The following SPON1 variants were observed in gnomAD, a reference collection of about 807,000 sequenced individuals.
The protein encoded by SPON1 is spondin 1.
In SPON1, 52 loss-of-function variants were observed where a neutral mutation model predicts 111.7. That is an observed-to-expected ratio of 0.47 (90% CI 0.37 to 0.59). The LOEUF (loss-of-function observed/expected upper bound fraction) is 0.59, where lower values mean the gene tolerates loss of function less well. SPON1 is among the 20% of genes least tolerant of loss of function. The pLI is 0.00. For missense variants in SPON1, 957 were observed against 1,068.5 expected (o/e 0.90, Z 1.46); for synonymous variants, 410 against 395.8 (o/e 1.04, Z -0.43).
chr11:14,168,107 C>T (rs1848052303), intron 6 of SPON1, among the ~76,000 whole-genome samples: 1 of 152,172 alleles, frequency 6.6e-6, no homozygotes, highest in African/African-American at 2.4e-5. Context: ...TTAACTCTTA[C>T]TCCTTTTAGC....
chr11:14,194,559 C>T (rs1380310237), intron 6 of SPON1, among the ~76,000 whole-genome samples: 2 of 145,852 alleles, frequency 1.4e-5, no homozygotes, highest in Non-Finnish European at 3.0e-5. Context: ...CACACACACA[C>T]ACACACACGG....
At chr11:14,265,458 C>T in intron 15 of SPON1, 66 bp from the exon 16 acceptor site, 2 of 1,521,966 alleles carry the variant, frequency 1.3e-6, no homozygotes, top group Non-Finnish European at 1.8e-6. Context: ...CACAGTTCTA[C>T]TAGAGTTCAG....
chr11:14,104,918 G>A (rs1168958598), intron 5 of SPON1, among the ~76,000 whole-genome samples: 2 of 152,094 alleles, frequency 1.3e-5, no homozygotes, highest in Non-Finnish European at 2.9e-5. Context: ...TCTATGGTAT[G>A]TACATGGTTT....
chr11:14,206,828 C>G (rs1171418766), intron 6 of SPON1, among the ~76,000 whole-genome samples: 1 of 152,000 alleles, frequency 6.6e-6, no homozygotes, highest in African/African-American at 2.4e-5. Flanking sequence ...TTTATAGATT[C>G]AATGCAATTC....
At chr11:14,096,753 G>C (rs946843720) in intron 5 of SPON1, among the ~76,000 whole-genome samples, 12 of 152,128 alleles carry the variant, frequency 7.9e-5, no homozygotes, top group Non-Finnish European at 8.8e-5. Context: ...ACTCTGCCAG[G>C]CCCTTATAAA....
intron 6 of SPON1, among the ~76,000 whole-genome samples, chr11:14,240,631 G>T (rs868987320): frequency 1.4e-5 from 2 of 141,420 alleles, no homozygotes; most frequent in Non-Finnish European, 3.2e-5. Context: ...GTGTGTGTGT[G>T]TGTGTAGTTA....
chr11:14,181,966 G>T (rs1281793206), intron 6 of SPON1, among the ~76,000 whole-genome samples: 1 of 152,162 alleles, frequency 6.6e-6, no homozygotes, highest in Non-Finnish European at 1.5e-5. Context: ...AGACTATGCT[G>T]AACAGAATAA....
chr11:14,153,976 A>T (rs1197408545), intron 6 of SPON1, among the ~76,000 whole-genome samples: 1 of 152,194 alleles, frequency 6.6e-6, no homozygotes, highest in African/African-American at 2.4e-5. Flanking sequence ...CTTAGACTCC[A>T]TGTCTCACAT....
At chr11:14,209,509 G>C (rs572969517) in intron 6 of SPON1, among the ~76,000 whole-genome samples, 2 of 152,074 alleles carry the variant, frequency 1.3e-5, no homozygotes, top group African/African-American at 4.8e-5. Context: ...AGAACATACG[G>C]TCTTTGGTTT....
At chr11:14,256,212 G>A (rs546906625) in intron 9 of SPON1, among the ~76,000 whole-genome samples, 21 of 152,078 alleles carry the variant, frequency 1.4e-4, no homozygotes, top group African/African-American at 4.6e-4. Flanking sequence ...GCGCCATTGC[G>A]CTCCAGTCTG....
chr11:13,987,481 A>C (rs1186065913), intron 2 of SPON1, among the ~76,000 whole-genome samples: 1 of 151,942 alleles, frequency 6.6e-6, no homozygotes, highest in Admixed American at 6.6e-5. Flanking sequence ...GAGTGCAAAA[A>C]TTTTCTCCCA....
chr11:14,004,121 T>A (rs782027227), intron 2 of SPON1, among the ~76,000 whole-genome samples: 1 of 152,162 alleles, frequency 6.6e-6, no homozygotes, highest in Non-Finnish European at 1.5e-5. Flanking sequence ...TCTCTTTCTG[T>A]TCTAGGCTGA....
At chr11:14,101,306 A>G (rs1849142228) in intron 5 of SPON1, among the ~76,000 whole-genome samples, 1 of 152,168 alleles carries the variant, frequency 6.6e-6, no homozygotes, top group South Asian at 2.1e-4. Context: ...AGGCTGAGGC[A>G]GGAGAATTGC....
chr11:14,023,481 CT>C (rs1439196657), intron 2 of SPON1, among the ~76,000 whole-genome samples: 12 of 152,178 alleles, frequency 7.9e-5, no homozygotes, highest in Admixed American at 5.9e-4. Flanking sequence ...CAAGTTCCCT[CT>C]CTTCGTGCTA....
chr11:14,099,104 A>C (rs1273140804), intron 5 of SPON1, among the ~76,000 whole-genome samples: 1 of 152,200 alleles, frequency 6.6e-6, no homozygotes, highest in African/African-American at 2.4e-5. Context: ...CAATTTCTTC[A>C]TCAGTTATTG....
chr11:14,141,029 C>CCCCTA (rs71041572), intron 6 of SPON1, among the ~76,000 whole-genome samples: 1 of 132,274 alleles, frequency 7.6e-6, no homozygotes. Flanking sequence ...GTGCCCCCCC[C>CCCCTA]ATGCCCCACT....
chr11:14,055,005 C>T (rs1848734491), intron 3 of SPON1, among the ~76,000 whole-genome samples: 2 of 152,198 alleles, frequency 1.3e-5, no homozygotes, highest in Admixed American at 1.3e-4. Context: ...TCTTCCTTCG[C>T]ACCAGCTGTG....
At chr11:14,196,135 C>A (rs781974404) in intron 6 of SPON1, among the ~76,000 whole-genome samples, 17 of 152,018 alleles carry the variant, frequency 1.1e-4, no homozygotes, top group Admixed American at 2.6e-4. Context: ...AATTGAAGCC[C>A]ATGAAGGATA....
chr11:14,051,942 C>T (rs781857947), intron 3 of SPON1, among the ~76,000 whole-genome samples: 5 of 152,128 alleles, frequency 3.3e-5, no homozygotes, highest in East Asian at 1.9e-4. Flanking sequence ...GATGTTTAGA[C>T]AGTTGATGTA....
Sources: gnomAD v4.1 joint callset for allele counts (sites outside exome capture counted in the v4.1 genomes callset) on GRCh38, gnomAD v4.1.1 for gene constraint, MANE v1.5 for transcripts, NCBI Gene and HGNC (gene_info 2026-07-23, HGNC 2026-07-21) for gene names.